EXOC3: variants seen among roughly 807,000 people sequenced by gnomAD.
EXOC3 encodes SEC6-like 1.
A neutral mutation model predicts 73.7 loss-of-function variants in EXOC3; 21 were observed. The ratio of observed to expected loss-of-function variants is 0.29; its 90% CI spans 0.20 to 0.41. The LOEUF (loss-of-function observed/expected upper bound fraction) is 0.41. Among genes scored for constraint, EXOC3 ranks in the 10% least tolerant of loss-of-function variants. The probability of loss-of-function intolerance (pLI) is 1.00; values close to 1 mark genes in which losing one functional copy is unlikely to be tolerated. For missense variants in EXOC3, 842 were observed against 985.1 expected, an observed-to-expected ratio of 0.85 and a Z score of 1.95; for synonymous variants, 410 against 389.1, an observed-to-expected ratio of 1.05 and a Z score of -0.63.
chr5:459,867 C>T (rs1245520745), intron 7 of EXOC3, among the ~76,000 whole-genome samples: 1 of 152,254 alleles, frequency 6.6e-6, no homozygotes, highest in Non-Finnish European at 1.5e-5. Flanking sequence ...GCAGCCATGA[C>T]CTGGCACGCC....
rs1257814508 is a variant in EXOC3 at position 450,500 on chromosome 5, T to C, written c.364+2748T>C. On this transcript the variant is annotated intron_variant, in intron 3 of 12. Transcript: ENST00000512944. ...CTGTCCCATGTGCACGTGAGAATAG[T>C]GTGTGTTCTGTTGTTGGGTGTTCTT... is the stretch of plus-strand genomic sequence containing the variant. Among the ~76,000 whole-genome samples the C allele has an allele frequency of 2.6e-5, 4 of 152,308 alleles. No individual in the cohort carries two copies. The East Asian group carries it at 7.7e-4, about 29-fold the overall frequency.
rs765456382 is a variant in EXOC3, at chr5:447,556, C to T, written c.168C>T (p.Asp56=). 14 of 1,581,006 alleles carry T rather than the reference C, an allele frequency of 8.9e-6. No individual in the cohort carries two copies. In the Admixed American group the frequency reaches 1.3e-4, roughly 14 times the overall value. Reference sequence around the variant, plus strand: ...AGGCCGCCATCCAGTCACAGTTGGACGGGGTGCGCACAGGCCTCAGCCAGC... The same window carrying T: ...AGGCCGCCATCCAGTCACAGTTGGATGGGGTGCGCACAGGCCTCAGCCAGC... The part of the protein sequence containing the change: ...RLKAAIQSQL[D]GVRTGLSQLH... The change falls in exon 3 of 13, where the codon GAC becomes GAT. Residue 56 remains aspartate (D), a synonymous_variant. Coordinates refer to ENST00000512944, the MANE Select transcript of EXOC3 (RefSeq NM_007277.5).
chr5:453,019 C>T (rs567662725), intron 3 of EXOC3, among the ~76,000 whole-genome samples: 1 of 152,268 alleles, frequency 6.6e-6, no homozygotes, highest in South Asian at 2.1e-4. Flanking sequence ...TACAGATCTC[C>T]GGTGTGGAGG....
chr5:466,168 CG>C, intron 12 of EXOC3: 1 of 349,168 alleles, frequency 2.9e-6, no homozygotes, highest in East Asian at 6.0e-5. Flanking sequence ...CTCAGTGGGG[CG>C]AGTTTAGGAA....
In EXOC3 at chr5:466,982, C is replaced by A; in HGVS notation, c.*84C>A. ...CGGGACAGCTGATTGCTCTCCTTGG[C>A]CACACGTGCTCCTTTTAGCTGCACG... On this transcript the variant is annotated 3_prime_UTR_variant, in exon 13 of 13. Transcript: ENST00000512944. 7.4e-7 allele frequency: 1 copy of A among 1,342,686 alleles called. No homozygotes were observed. Among genetic ancestry groups the A allele is most frequent in the Non-Finnish European group, 1.0e-6 (1 of 977,466 alleles). The allele number at this position is 1,342,686 out of a possible 1,614,324, so 83.2% of individuals were successfully genotyped here.
At chr5:457,256 A>G in intron 5 of EXOC3, 1 of 506,070 alleles carries the variant, frequency 2.0e-6, no homozygotes, top group Admixed American at 3.2e-5. Context: ...CCTACTCGGC[A>G]GGCTGGCCAG....
At chr5:452,578 G>T (rs1737687662) in intron 3 of EXOC3, among the ~76,000 whole-genome samples, 1 of 152,164 alleles carries the variant, frequency 6.6e-6, no homozygotes. Flanking sequence ...TTCTTTGGGT[G>T]CCTTGTGATG....
chr5:446,612 C>T (rs906063098), intron 2 of EXOC3, among the ~76,000 whole-genome samples: 2 of 152,212 alleles, frequency 1.3e-5, no homozygotes, highest in Non-Finnish European at 2.9e-5. Context: ...ATCCCAGCAC[C>T]TCGGGGAGGC....
At chr5:449,177 T>C (rs1360035779) in intron 3 of EXOC3, among the ~76,000 whole-genome samples, 1 of 152,264 alleles carries the variant, frequency 6.6e-6, no homozygotes. Flanking sequence ...GCATGTTTTT[T>C]GTTACGGATA....
intron 3 of EXOC3, among the ~76,000 whole-genome samples, chr5:452,510 A>G (rs1737685994): frequency 6.6e-6 from 1 of 152,240 alleles, no homozygotes; most frequent in Admixed American, 6.5e-5. Flanking sequence ...ATCTGCCATC[A>G]GATCTTTTAC....
intron 1 of EXOC3, among the ~76,000 whole-genome samples, chr5:443,821 C>T (rs576065372): frequency 6.6e-6 from 1 of 151,638 alleles, no homozygotes; most frequent in South Asian, 2.1e-4. Context: ...CCCCCAGGCG[C>T]AGTTGTCCTT....
At chr5:449,159 C>T (rs1183988952) in intron 3 of EXOC3, among the ~76,000 whole-genome samples, 2 of 152,182 alleles carry the variant, frequency 1.3e-5, no homozygotes, top group African/African-American at 2.4e-5. Context: ...AATGAGCCTG[C>T]GTGGTATGCA....
Position 462,224 on chromosome 5 carries a change from C to A in EXOC3, c.1570C>A (p.Gln524Lys). 1 of 1,613,964 alleles carries A rather than the reference C, an allele frequency of 6.2e-7. No individual in the cohort carries two copies. Among genetic ancestry groups the A allele is most frequent in the East Asian group, 2.2e-5 (1 of 44,890 alleles). Residue 524 changes from glutamine to lysine, a missense_variant, in exon 9 of 13, where the codon CAG becomes AAG. Transcript: ENST00000512944. ...NEVEEGVSPS[Q>K]PSMDGILDAI... ...AGTGGAAGAGGGTGTGTCTCCGAGC[C>A]AGCCCAGCATGGACGGGATTTTAGA...
intron 9 of EXOC3, among the ~76,000 whole-genome samples, chr5:464,005 C>T (rs984487135): frequency 5.3e-5 from 8 of 152,234 alleles, no homozygotes; most frequent in Admixed American, 3.9e-4. Flanking sequence ...TACCTGAGTG[C>T]GCATTGCTGT....
chr5:464,172 C>A (rs1738066838), intron 9 of EXOC3, 118 bp from the exon 10 acceptor site: 4 of 997,718 alleles, frequency 4.0e-6, no homozygotes, highest in South Asian at 1.5e-5. Context: ...TGCCTCCCTC[C>A]CACACTGCAC....
intron 3 of EXOC3, 109 bp downstream of exon 3, chr5:447,861 CGGTA>C: frequency 1.4e-6 from 1 of 739,104 alleles, no homozygotes; most frequent in African/African-American, 1.8e-5. Context: ...GACCTGTAGA[CGGTA>C]AGTGTGATTC....
chr5:466,542 GAA>G (rs927682271), intron 12 of EXOC3, 183 bp from the exon 13 acceptor site: 4 of 581,210 alleles, frequency 6.9e-6, no homozygotes, highest in African/African-American at 5.6e-5. Context: ...ATTGGATTGA[GAA>G]AAGACAGAGT....
chr5:466,553 G>GT (rs1203990497), intron 12 of EXOC3, 174 bp from the exon 13 acceptor site: 2 of 592,202 alleles, frequency 3.4e-6, no homozygotes, highest in Non-Finnish European at 5.9e-6. Flanking sequence ...AAAAGACAGA[G>GT]TAAGATGAAA....
At chr5:461,815 G>A (rs748774086) in intron 7 of EXOC3, 145 bp from the exon 8 acceptor site, 9 of 626,406 alleles carry the variant, frequency 1.4e-5, no homozygotes, top group Non-Finnish European at 2.6e-5. Context: ...AGTCTGGATC[G>A]TCTAAAGATT....
Sources: gnomAD v4.1 joint callset for allele counts (sites outside exome capture counted in the v4.1 genomes callset) on GRCh38, gnomAD v4.1.1 for gene constraint, MANE v1.5 for transcripts, NCBI Gene and HGNC (gene_info 2026-07-23, HGNC 2026-07-21) for gene names.